Variants in RANBP2 observed in about 807,000 individuals in gnomAD.
The protein encoded by RANBP2 is E3 SUMO-protein ligase RanBP2.
In RANBP2, 57 loss-of-function variants were observed where a neutral mutation model predicts 303.6. That is an observed-to-expected ratio of 0.19 (90% CI 0.15 to 0.23). The LOEUF is 0.23. Among genes scored for constraint, RANBP2 ranks in the 10% least tolerant of loss-of-function variants. RANBP2 has a pLI of 1.00. For synonymous variants in RANBP2, 1,167 were observed against 1,301.5 expected (o/e 0.90, Z 2.23); for missense variants, 3,138 against 3,780.8 (o/e 0.83, Z 4.46).
chr2:109,049,397 A>G, the RANBP2 span, among the ~76,000 whole-genome samples: 1 of 152,182 alleles, frequency 6.6e-6, no homozygotes, highest in Non-Finnish European at 1.5e-5. Flanking sequence ...ACTGTATATT[A>G]TCTTTATAGC....
chr2:109,597,480 T>C, the RANBP2 span, among the ~76,000 whole-genome samples: 6 of 152,218 alleles, frequency 3.9e-5, no homozygotes, highest in Non-Finnish European at 5.9e-5. Flanking sequence ...CTTGTGACTC[T>C]GTCTCAGAGA....
At chr2:109,142,204 C>G in the RANBP2 span, among the ~76,000 whole-genome samples, 1 of 152,156 alleles carries the variant, frequency 6.6e-6, no homozygotes, top group Non-Finnish European at 1.5e-5. Context: ...ACTCTTGCGC[C>G]TTTGTGACTG....
the RANBP2 span, among the ~76,000 whole-genome samples, chr2:109,328,709 C>T: frequency 6.6e-6 from 1 of 152,200 alleles, no homozygotes; most frequent in African/African-American, 2.4e-5. Context: ...TCCTGGTCAT[C>T]ACTGTGTCCT....
chr2:109,371,823 G>A, the RANBP2 span: 19 of 730,136 alleles, frequency 2.6e-5, no homozygotes, highest in African/African-American at 1.6e-4. Context: ...GAGCTGCTAT[G>A]TGTGGGCTTT....
At chr2:109,135,760 TG>T in the RANBP2 span, among the ~76,000 whole-genome samples, 1 of 152,234 alleles carries the variant, frequency 6.6e-6, no homozygotes, top group East Asian at 1.9e-4. Flanking sequence ...CAAGCATTAC[TG>T]GGCATCTATG....
the RANBP2 span, among the ~76,000 whole-genome samples, chr2:109,010,765 G>T: frequency 6.6e-6 from 1 of 152,222 alleles, no homozygotes; most frequent in African/African-American, 2.4e-5. Context: ...TAAGACACAT[G>T]ATATATTGTG....
chr2:109,596,405 C>T, the RANBP2 span, among the ~76,000 whole-genome samples: 1 of 151,906 alleles, frequency 6.6e-6, no homozygotes, highest in East Asian at 1.9e-4. Flanking sequence ...ATCATGAGGT[C>T]AGGAGATCAA....
the RANBP2 span, among the ~76,000 whole-genome samples, chr2:109,670,923 G>C: frequency 6.6e-6 from 1 of 152,210 alleles, no homozygotes; most frequent in Non-Finnish European, 1.5e-5. Flanking sequence ...AGTGGTTCCT[G>C]TGGCTTGGGG....
chr2:109,026,315 G>C, the RANBP2 span, among the ~76,000 whole-genome samples: 1 of 2,226 alleles, frequency 4.5e-4, no homozygotes, highest in African/African-American at 7.0e-4. Context: ...TTTTTTAAGA[G>C]ATGGGGTCTT....
intron 22 of RANBP2, 67 bp downstream of exon 22, chr2:108,772,648 G>T: frequency 6.9e-7 from 1 of 1,452,204 alleles, no homozygotes; most frequent in Non-Finnish European, 9.6e-7. Context: ...GAATAACCTA[G>T]TCTGATAATT....
At chr2:108,995,779 G>A in the RANBP2 span, among the ~76,000 whole-genome samples, 3 of 152,110 alleles carry the variant, frequency 2.0e-5, no homozygotes, top group Admixed American at 6.6e-5. Context: ...CTTTCCATGC[G>A]TCCCCTTTGC....
chr2:109,196,562 C>A, the RANBP2 span, among the ~76,000 whole-genome samples: 1 of 152,166 alleles, frequency 6.6e-6, no homozygotes, highest in Non-Finnish European at 1.5e-5. Flanking sequence ...TGTCGTCCTG[C>A]AAGAGTGGCC....
the RANBP2 span, among the ~76,000 whole-genome samples, chr2:109,000,703 T>C: frequency 2.0e-5 from 3 of 152,128 alleles, no homozygotes; most frequent in Non-Finnish European, 2.9e-5. Flanking sequence ...TAAGAAATAA[T>C]AATGTCCAGC....
the RANBP2 span, among the ~76,000 whole-genome samples, chr2:109,181,559 A>G: frequency 6.6e-6 from 1 of 151,940 alleles, no homozygotes; most frequent in Non-Finnish European, 1.5e-5. Context: ...TCCATGCCAC[A>G]CTCCTACTTT....
the RANBP2 span, among the ~76,000 whole-genome samples, chr2:109,374,311 T>C: frequency 2.0e-5 from 3 of 152,102 alleles, no homozygotes; most frequent in Non-Finnish European, 4.4e-5. Flanking sequence ...CACACACCCA[T>C]AGCCTGGCAG....
At chr2:108,993,065 G>A in the RANBP2 span, among the ~76,000 whole-genome samples, 1 of 152,202 alleles carries the variant, frequency 6.6e-6, no homozygotes, top group East Asian at 1.9e-4. Flanking sequence ...CACCTTCCTA[G>A]GCTTGCAAAT....
At chr2:109,040,289 A>C in the RANBP2 span, among the ~76,000 whole-genome samples, 1 of 152,292 alleles carries the variant, frequency 6.6e-6, no homozygotes, top group East Asian at 1.9e-4. Flanking sequence ...TGGGGTCTCC[A>C]TTCTGTTCCA....
At chr2:109,068,504 A>T in the RANBP2 span, among the ~76,000 whole-genome samples, 2 of 152,250 alleles carry the variant, frequency 1.3e-5, no homozygotes, top group Non-Finnish European at 2.9e-5. Flanking sequence ...ATGCCCAGTA[A>T]GTGGGGAACG....
the RANBP2 span, among the ~76,000 whole-genome samples, chr2:108,865,779 G>A: frequency 6.6e-6 from 1 of 152,114 alleles, no homozygotes; most frequent in Non-Finnish European, 1.5e-5. Flanking sequence ...TAAAGAGCTG[G>A]GGTTTTTGCC....
Sources: gnomAD v4.1 joint callset for allele counts (sites outside exome capture counted in the v4.1 genomes callset) on GRCh38, gnomAD v4.1.1 for gene constraint, MANE v1.5 for transcripts, NCBI Gene and HGNC (gene_info 2026-07-23, HGNC 2026-07-21) for gene names.